Variants in ASIP observed in about 807,000 individuals in gnomAD.
ASIP encodes agouti-signaling protein.
In ASIP, 11 loss-of-function variants were observed where a neutral mutation model predicts 10.3. The ratio of observed to expected loss-of-function variants is 1.07; its 90% CI spans 0.68 to 1.78. The LOEUF (loss-of-function observed/expected upper bound fraction) is 1.78. Ranked by LOEUF, ASIP falls within the 40% of genes most tolerant of loss-of-function variation. ASIP has a pLI of 0.00. For missense variants in ASIP, 180 were observed against 169.2 expected, an observed-to-expected ratio of 1.06 and a Z score of -0.35; for synonymous variants, 70 against 70.8, an observed-to-expected ratio of 0.99 and a Z score of 0.06.
intron 1 of ASIP, among the ~76,000 whole-genome samples, chr20:34,255,397 T>C (rs1005040845): frequency 1.3e-5 from 2 of 151,874 alleles, no homozygotes; most frequent in African/African-American, 4.8e-5. Flanking sequence ...GTTCAAGCAA[T>C]CCTCCCTCCC....
intron 1 of ASIP, among the ~76,000 whole-genome samples, chr20:34,199,844 G>A (rs2034881445): frequency 6.6e-6 from 1 of 152,056 alleles, no homozygotes; most frequent in African/African-American, 2.4e-5. Context: ...TGTTCACCAT[G>A]GATTTTTTTG....
chr20:34,215,387 T>C (rs552565650), intron 1 of ASIP: 1 of 1,569,108 alleles, frequency 6.4e-7, no homozygotes, highest in Non-Finnish European at 8.8e-7. Context: ...TTTATGAGAG[T>C]ATTCCTGTGA....
In ASIP at chr20:34,235,944, AGAAGGAAG is replaced by A. The variant is rs748775845; in HGVS notation, c.-10-24406_-10-24399del. 1.5e-4 allele frequency among the ~76,000 whole-genome samples: 18 copies of A among 119,160 alleles called. 1 individual carries two copies. Among genetic ancestry groups the A allele is most frequent in the South Asian group, 2.8e-4 (1 of 3,534 alleles). 78.2% of individuals were successfully genotyped at this position (119,160 alleles called of 152,430 possible). A position where few individuals can be genotyped will look rare whatever the true frequency, so the allele number is the denominator to read the frequency against. On this transcript the variant is annotated intron_variant, in intron 1 of 3. Coordinates refer to the ASIP transcript ENST00000568305. ...GAAGGAAGGAAGCGGGAGGGAGGGAAGAAGGAAGGAAGGAAGGAAGGAGGGAGGGAGGG... is the reference window on the plus strand; with the variant it reads ...GAAGGAAGGAAGCGGGAGGGAGGGAAGAAGGAAGGAAGGAGGGAGGGAGGG...
At chr20:34,208,997 A>C (rs2034955622) in intron 1 of ASIP, among the ~76,000 whole-genome samples, 2 of 152,184 alleles carry the variant, frequency 1.3e-5, no homozygotes, top group African/African-American at 4.8e-5. Context: ...ATCAGTTCCA[A>C]TAGGGTTTTG....
intron 1 of ASIP, among the ~76,000 whole-genome samples, chr20:34,204,022 C>A (rs1483659496): frequency 6.6e-6 from 1 of 152,174 alleles, no homozygotes; most frequent in Non-Finnish European, 1.5e-5. Flanking sequence ...CCACGCCCGG[C>A]CATAAATGGC....
At chr20:34,201,048 CTTTCTTT>C (rs1418122501) in intron 1 of ASIP, among the ~76,000 whole-genome samples, 10 of 107,476 alleles carry the variant, frequency 9.3e-5, no homozygotes, top group African/African-American at 3.1e-4. Flanking sequence ...TTCTTTCTTT[CTTTCTTT>C]CTTTCTTTTT....
chr20:34,243,406 A>G (rs2035313793), intron 1 of ASIP, among the ~76,000 whole-genome samples: 1 of 152,232 alleles, frequency 6.6e-6, no homozygotes. Flanking sequence ...CGGTACGTGT[A>G]TGTAGATACA....
At chr20:34,225,223 T>C (rs1417226896) in intron 1 of ASIP, among the ~76,000 whole-genome samples, 1 of 152,014 alleles carries the variant, frequency 6.6e-6, no homozygotes, top group Non-Finnish European at 1.5e-5. Flanking sequence ...TGTGTTTTTA[T>C]TGAGACGGGG....
Position 34,263,870 on chromosome 20 carries a change from C to T in ASIP, c.222+977C>T, listed in dbSNP as rs147882805. ...ATTTTTAGTAGAGATGGGGTTTCGC[C>T]AAGTTTGTCAGGCTGGTCTCGAACT... On this transcript the variant is annotated intron_variant, in intron 3 of 3. Transcript: ENST00000374954. 1.0e-3 allele frequency among the ~76,000 whole-genome samples: 158 copies of T among 151,772 alleles called. 1 individual carries two copies. Among genetic ancestry groups the T allele is most frequent in the African/African-American group, 3.8e-3 (156 of 41,372 alleles).
At chr20:34,258,106 T>G (rs1371871612) in intron 1 of ASIP, among the ~76,000 whole-genome samples, 1 of 151,368 alleles carries the variant, frequency 6.6e-6, no homozygotes, top group Non-Finnish European at 1.5e-5. Context: ...ATCGCACCAC[T>G]GCACTCCATC....
chr20:34,239,429 C>G (rs941342109), upstream of ASIP, among the ~76,000 whole-genome samples: 2 of 152,204 alleles, frequency 1.3e-5, no homozygotes, highest in Admixed American at 6.5e-5. Context: ...GTTGGCCAGG[C>G]TCTTCTCGAA....
intron 3 of ASIP, among the ~76,000 whole-genome samples, chr20:34,265,266 TA>T (rs1191422386): frequency 6.6e-6 from 1 of 152,166 alleles, no homozygotes; most frequent in African/African-American, 2.4e-5. Context: ...CTCACACCTA[TA>T]ATCCCAGCAC....
At chr20:34,213,291 G>C in intron 1 of ASIP, among the ~76,000 whole-genome samples, 1 of 152,300 alleles carries the variant, frequency 6.6e-6, no homozygotes, top group East Asian at 1.9e-4. Flanking sequence ...CTCCAGAACT[G>C]TGAACCAATA....
Position 34,269,043 on chromosome 20 carries a change from C to T in ASIP, c.275C>T (p.Pro92Leu). 6.2e-7 allele frequency: 1 copy of T among 1,605,420 alleles called. No individual in the cohort carries two copies. Among genetic ancestry groups the T allele is most frequent in the Non-Finnish European group, 8.5e-7 (1 of 1,176,834 alleles). The stretch of plus-strand genomic sequence containing the variant: ...CGGCCCCGGACCCCCCTATCTGCGC[C>T]CTGCGTGGCCACCCGCAACAGCTGC... ...VVRPRTPLSA[P>L]CVATRNSCKP... The change falls in exon 4 of 4, where the codon CCC becomes CTC. Residue 92 changes from proline (P) to leucine (L), a missense_variant. By Grantham distance (98) the Pro-to-Leu change is moderately conservative. Transcript: ENST00000374954.
chr20:34,266,344 C>A (rs819161), intron 3 of ASIP, among the ~76,000 whole-genome samples: 2 of 148,056 alleles, frequency 1.4e-5, no homozygotes, highest in South Asian at 2.2e-4. Flanking sequence ...AGCGAGACTC[C>A]GTCTCAAAAA....
chr20:34,194,804 G>A (rs1280812650), intron 1 of ASIP: 1 of 152,106 alleles, frequency 6.6e-6, no homozygotes, highest in Non-Finnish European at 1.5e-5. Context: ...CGCTTTCTGA[G>A]CGGGTGCTTT....
chr20:34,246,576 C>T, intron 1 of ASIP: 1 of 764,940 alleles, frequency 1.3e-6, no homozygotes, highest in East Asian at 2.7e-5. Flanking sequence ...GCAATCCTCC[C>T]ACCTCAGCCT....
intron 1 of ASIP, among the ~76,000 whole-genome samples, chr20:34,200,948 T>TTTTCTTTCTTTC (rs1180213511): frequency 7.1e-6 from 1 of 140,870 alleles, no homozygotes; most frequent in African/African-American, 2.8e-5. Flanking sequence ...TCAAACTTGA[T>TTTTCTTTCTTTC]TTTCTTTCTT....
rs552565650 is a variant in ASIP, at chr20:34,215,387, T to A, written c.-11+20627T>A. ...TCCCTCATGGTATCTTTTATGAGAG[T>A]ATTCCTGTGAGCCTCCTCTGATGTA... On this transcript the variant is annotated intron_variant, in intron 1 of 3. Coordinates refer to the ASIP transcript ENST00000568305. The A allele has an allele frequency of 1.9e-5, 30 of 1,569,226 alleles. No homozygotes were observed. The African/African-American group carries it at 3.7e-4, about 19-fold the overall frequency.
Sources: gnomAD v4.1 joint callset for allele counts (sites outside exome capture counted in the v4.1 genomes callset) on GRCh38, gnomAD v4.1.1 for gene constraint, MANE v1.5 for transcripts, NCBI Gene and HGNC (gene_info 2026-07-23, HGNC 2026-07-21) for gene names.